The following LHCGR variants were observed in gnomAD, a reference collection of about 807,000 sequenced individuals.
The protein encoded by LHCGR is lutropin-choriogonadotropic hormone receptor.
LHCGR carries 55 observed loss-of-function variants against 60.7 expected under a neutral mutation model. The observed-to-expected ratio is 0.91, with a 90% CI of 0.73 to 1.13. The LOEUF (loss-of-function observed/expected upper bound fraction) is 1.13, where lower values mean the gene tolerates loss of function less well. LHCGR is among the 50% of genes most tolerant of loss of function. The pLI, the probability that LHCGR is intolerant of heterozygous loss-of-function variation, is 0.00. For missense variants in LHCGR, 862 were observed against 836.0 expected (o/e 1.03, Z -0.38); for synonymous variants, 337 against 316.5 (o/e 1.06, Z -0.69).
At chr2:48,704,807 T>A (rs1237982163) in intron 8 of LHCGR, among the ~76,000 whole-genome samples, 1 of 152,174 alleles carries the variant, frequency 6.6e-6, no homozygotes, top group Non-Finnish European at 1.5e-5. Flanking sequence ...TTGCTAGCAG[T>A]GTATCTATTT....
rs764338727 is a variant in LHCGR, at chr2:48,709,022, C to T, written c.606G>A (p.Leu202=). Residue 202 remains leucine, a splice_region_variant and synonymous_variant, in exon 8 of 11, where the codon CTG becomes CTA. Transcript: ENST00000294954. The part of the protein sequence containing the change: ...HAFNGTTLTS[L]ELKENVHLEK... ...CCAGATGTACGTTTTCCTTTAGCTC[C>T]CTGTGGGGAAGGATATTGCCCTTAG... The T allele has an allele frequency of 2.5e-6, 4 of 1,613,656 alleles. No individual in the cohort carries two copies. Among genetic ancestry groups the T allele is most frequent in the Admixed American group, 1.7e-5 (1 of 60,024 alleles).
intron 6 of LHCGR, among the ~76,000 whole-genome samples, chr2:48,718,519 A>G (rs1015836486): frequency 5.3e-5 from 8 of 152,222 alleles, no homozygotes; most frequent in African/African-American, 1.9e-4. Flanking sequence ...ACAGATACTC[A>G]GGGTCTCAAA....
At chr2:48,713,865 G>A (rs1668112024) in intron 7 of LHCGR, 121 bp downstream of exon 7, 1 of 806,152 alleles carries the variant, frequency 1.2e-6, no homozygotes, top group Non-Finnish European at 2.1e-6. Context: ...GAAACACTGA[G>A]GGCTAGCCAC....
intron 3 of LHCGR, among the ~76,000 whole-genome samples, chr2:48,726,904 T>G (rs1375269244): frequency 1.3e-5 from 2 of 152,240 alleles, no homozygotes; most frequent in African/African-American, 4.8e-5. Context: ...GTCACACAGC[T>G]GAGAAGTAGC....
intron 7 of LHCGR, among the ~76,000 whole-genome samples, chr2:48,713,302 A>C (rs1015351634): frequency 6.6e-6 from 1 of 152,282 alleles, no homozygotes; most frequent in South Asian, 2.1e-4. Context: ...TATTATGCAC[A>C]AATTGCAGGG....
At chr2:48,696,962 C>T (rs1400185274) in intron 9 of LHCGR, among the ~76,000 whole-genome samples, 1 of 152,200 alleles carries the variant, frequency 6.6e-6, no homozygotes, top group Non-Finnish European at 1.5e-5. Flanking sequence ...CCCAAACCAT[C>T]CTCTACCTTG....
chr2:48,719,021 G>A (rs1384040672), intron 6 of LHCGR, among the ~76,000 whole-genome samples: 1 of 152,178 alleles, frequency 6.6e-6, no homozygotes, highest in Non-Finnish European at 1.5e-5. Context: ...CAGAAAGAAT[G>A]ATAACAATAA....
chr2:48,741,512 C>G (rs1007034417), intron 1 of LHCGR, among the ~76,000 whole-genome samples: 2 of 151,978 alleles, frequency 1.3e-5, no homozygotes, highest in African/African-American at 2.4e-5. Context: ...ACTCTACAAG[C>G]CAGAAGAGAG....
Position 48,711,937 on chromosome 2 carries a change from G to A in LHCGR, c.605+2049C>T, listed in dbSNP as rs1668010564. On this transcript the variant is annotated intron_variant, in intron 7 of 10. Coordinates refer to ENST00000294954, the MANE Select transcript of LHCGR (RefSeq NM_000233.4). ...CAATGGCTTCTCATTTTCTGGAGAA[G>A]AGAGTCTAAACTCTTTACTATGGCA... 2.0e-5 allele frequency among the ~76,000 whole-genome samples: 3 copies of A among 152,112 alleles called. No homozygotes were observed. The South Asian group carries it at 6.2e-4, about 32-fold the overall frequency.
At chr2:48,723,812 A>C (rs1410289016) in intron 4 of LHCGR, 116 bp from the exon 5 acceptor site, 1 of 776,422 alleles carries the variant, frequency 1.3e-6, no homozygotes, top group Non-Finnish European at 2.3e-6. Context: ...CTTTCACATT[A>C]AATTTAAAAA....
chr2:48,755,302 G>T (rs930523116), intron 1 of LHCGR, among the ~76,000 whole-genome samples: 1 of 152,102 alleles, frequency 6.6e-6, no homozygotes, highest in Admixed American at 6.5e-5. Context: ...AAAGAATGGG[G>T]CTGGGGCTCT....
At chr2:48,711,523 C>T (rs6729809) in intron 7 of LHCGR, among the ~76,000 whole-genome samples, 104,817 of 152,080 alleles carry the variant, frequency 0.69, 36,389 homozygotes, top group East Asian at 0.77. Flanking sequence ...GTATACAGGA[C>T]GTTGACTAAT....
rs758795904 is a variant in LHCGR at position 48,723,445 on chromosome 2, A to G, written c.536+11T>C. 1 of 1,584,322 alleles carries G rather than the reference A, an allele frequency of 6.3e-7. No homozygotes were observed. Among genetic ancestry groups the G allele is most frequent in the South Asian group, 1.1e-5 (1 of 90,446 alleles). On this transcript the variant is annotated intron_variant, in intron 6 of 10. Transcript: ENST00000294954. ...CTGTATGGCAGAACACAAATCTGGG[A>G]GTTTACTCACAGTGTTACAGATTCA... is the stretch of plus-strand genomic sequence containing the variant.
intron 1 of LHCGR, among the ~76,000 whole-genome samples, chr2:48,749,106 AAAGT>A (rs1379086905): frequency 6.6e-6 from 1 of 152,208 alleles, no homozygotes; most frequent in Admixed American, 6.5e-5. Context: ...CTTCATTCTG[AAAGT>A]TGAGTTTTGT....
At chr2:48,702,405 C>T (rs1667456854) in intron 8 of LHCGR, among the ~76,000 whole-genome samples, 1 of 151,974 alleles carries the variant, frequency 6.6e-6, no homozygotes, top group Admixed American at 6.5e-5. Context: ...TAATGCTATC[C>T]CTCCCCCAGC....
intron 1 of LHCGR, among the ~76,000 whole-genome samples, chr2:48,749,702 A>T (rs1669867115): frequency 6.8e-6 from 1 of 147,140 alleles, no homozygotes; most frequent in African/African-American, 2.5e-5. Context: ...AATTAATCTG[A>T]TTTACTGCTT....
chr2:48,690,816 A>G (rs981267430), intron 10 of LHCGR, among the ~76,000 whole-genome samples: 6 of 152,242 alleles, frequency 3.9e-5, no homozygotes, highest in African/African-American at 9.6e-5. Flanking sequence ...ATGCATGTCT[A>G]TCTTCTTTAA....
intron 6 of LHCGR, among the ~76,000 whole-genome samples, chr2:48,719,443 T>G (rs1382558726): frequency 2.6e-5 from 4 of 152,160 alleles, no homozygotes; most frequent in African/African-American, 7.2e-5. Context: ...CTTAGAAAAT[T>G]AATTGCTATG....
intron 6 of LHCGR, among the ~76,000 whole-genome samples, chr2:48,718,115 G>T (rs942828196): frequency 1.3e-5 from 2 of 151,858 alleles, no homozygotes; most frequent in African/African-American, 4.8e-5. Flanking sequence ...AAAACATCAT[G>T]GTGTCAGAAT....
Sources: allele counts gnomAD v4.1 joint callset (sites outside exome capture counted in the v4.1 genomes callset), GRCh38; gene constraint gnomAD v4.1.1; transcripts MANE v1.5; gene names NCBI Gene and HGNC (gene_info 2026-07-23, HGNC 2026-07-21).